Variants in CDH20 observed in about 807,000 individuals in gnomAD.
CDH20 encodes cadherin 20.
A neutral mutation model predicts 74.2 loss-of-function variants in CDH20; 29 were observed. The observed-to-expected ratio is 0.39, with a 90% CI of 0.29 to 0.53. CDH20 has a LOEUF of 0.53. CDH20 is among the 20% of genes least tolerant of loss of function. The pLI, the probability that CDH20 is intolerant of heterozygous loss-of-function variation, is 0.69. For missense variants in CDH20, 988 were observed against 1,048.3 expected (o/e 0.94, Z 0.79); for synonymous variants, 469 against 405.4 (o/e 1.16, Z -1.88).
At chr18:61,413,441 T>A (rs748301459) in intron 1 of CDH20, among the ~76,000 whole-genome samples, 4 of 152,142 alleles carry the variant, frequency 2.6e-5, no homozygotes, top group Non-Finnish European at 5.9e-5. Flanking sequence ...TCAGCAGCAA[T>A]GGGAAGAAAA....
intron 1 of CDH20, among the ~76,000 whole-genome samples, chr18:61,362,753 A>G (rs1910740935): frequency 6.6e-6 from 1 of 152,134 alleles, no homozygotes; most frequent in African/African-American, 2.4e-5. Flanking sequence ...TAGACTTAGT[A>G]TGACTAACTA....
intron 1 of CDH20, among the ~76,000 whole-genome samples, chr18:61,377,216 A>G (rs1911266575): frequency 6.6e-6 from 1 of 152,066 alleles, no homozygotes; most frequent in Admixed American, 6.6e-5. Flanking sequence ...TAGAGGTTGT[A>G]CTTAGTACAC....
chr18:61,493,309 T>C (rs771198228), intron 2 of CDH20, among the ~76,000 whole-genome samples: 6 of 152,188 alleles, frequency 3.9e-5, no homozygotes, highest in Non-Finnish European at 7.3e-5. Flanking sequence ...AGATTAACTA[T>C]GCCGGTGCTG....
At position 61,395,674 on chromosome 18, in the gene CDH20, A is replaced by G. The variant is rs61571881; in HGVS notation, c.-153+61847A>G. Reference sequence around the variant, plus strand: ...TAATGTTTTGTCATATGTGCTTTGTATTTTTTTGAAATAAATTTTTCTACT... The same window carrying G: ...TAATGTTTTGTCATATGTGCTTTGTGTTTTTTTGAAATAAATTTTTCTACT... On this transcript the variant is annotated intron_variant, in intron 1 of 11. Coordinates refer to ENST00000262717, the MANE Select transcript of CDH20 (RefSeq NM_031891.4). Among the ~76,000 whole-genome samples the G allele has an allele frequency of 2.2e-3, 329 of 152,242 alleles. 3 individuals carry two copies. The highest frequency in any genetic ancestry group is 7.7e-3 in the African/African-American group (322 of 41,562).
intron 1 of CDH20, among the ~76,000 whole-genome samples, chr18:61,410,587 T>C (rs1599066025): frequency 6.6e-6 from 1 of 152,148 alleles, no homozygotes; most frequent in South Asian, 2.1e-4. Flanking sequence ...AAAGAGTATA[T>C]GATTTAAACA....
At chr18:61,515,394 A>G (rs918136314) in intron 6 of CDH20, among the ~76,000 whole-genome samples, 25 of 151,788 alleles carry the variant, frequency 1.6e-4, no homozygotes, top group Non-Finnish European at 3.7e-4. Context: ...ACCTGCGCCC[A>G]CTGTCTGGCA....
At chr18:61,543,330 A>G (rs1036111131) in intron 9 of CDH20, among the ~76,000 whole-genome samples, 45 of 152,162 alleles carry the variant, frequency 3.0e-4, no homozygotes, top group African/African-American at 1.0e-3. Flanking sequence ...TGGCTTTTAA[A>G]CAGCAGGATT....
rs375904704 is a variant in CDH20, at chr18:61,554,348, C to T, written c.2059C>T (p.Arg687Trp). The change falls in exon 12 of 12, where the codon CGG (arginine) becomes TGG (tryptophan). Residue 687 changes from arginine to tryptophan, a missense_variant. This residue lies in a region of CDH20 where 375 missense variants were observed against 293.1 expected (regional missense o/e 1.28). Transcript: ENST00000262717. ...AFDIAAMWNP[R>W]EAQAGAAPKT... The stretch of plus-strand genomic sequence containing the variant: ...CGACATCGCGGCCATGTGGAACCCC[C>T]GGGAGGCGCAGGCGGGGGCCGCCCC... 51 of 1,613,288 alleles carry T rather than the reference C, an allele frequency of 3.2e-5. No individual in the cohort carries two copies. The South Asian group carries it at 4.4e-4, about 14-fold the overall frequency.
chr18:61,349,747 A>G (rs1211020444), intron 1 of CDH20, among the ~76,000 whole-genome samples: 3 of 151,934 alleles, frequency 2.0e-5, no homozygotes, highest in Non-Finnish European at 4.4e-5. Flanking sequence ...AAATTGTCAC[A>G]TGCAAGTGAC....
chr18:61,338,833 G>A (rs1428940175), intron 1 of CDH20, among the ~76,000 whole-genome samples: 1 of 152,112 alleles, frequency 6.6e-6, no homozygotes, highest in African/African-American at 2.4e-5. Flanking sequence ...CCTCCAAAGA[G>A]TAAAGAGGTA....
intron 2 of CDH20, among the ~76,000 whole-genome samples, chr18:61,498,626 C>G (rs899769777): frequency 1.3e-5 from 2 of 152,176 alleles, no homozygotes; most frequent in East Asian, 1.9e-4. Flanking sequence ...CCGAATGAAA[C>G]TACAGAACTA....
At chr18:61,369,283 T>G (rs1454752707) in intron 1 of CDH20, among the ~76,000 whole-genome samples, 1 of 152,198 alleles carries the variant, frequency 6.6e-6, no homozygotes, top group Non-Finnish European at 1.5e-5. Context: ...CAGGTTTGTC[T>G]GACTGCAAGG....
chr18:61,432,289 C>A (rs1913284510), intron 1 of CDH20, among the ~76,000 whole-genome samples: 1 of 151,662 alleles, frequency 6.6e-6, no homozygotes, highest in South Asian at 2.1e-4. Context: ...ATATGGTCAC[C>A]CTACTGTGCC....
chr18:61,518,633 C>G (rs1912087974), intron 6 of CDH20, among the ~76,000 whole-genome samples: 1 of 151,222 alleles, frequency 6.6e-6, no homozygotes, highest in Admixed American at 6.6e-5. Context: ...CATCAAAGAC[C>G]AAAGGTAGAT....
Position 61,554,655 on chromosome 18 carries a change from A to G in CDH20, c.2366A>G (p.Glu789Gly). 1 of 1,596,378 alleles carries G rather than the reference A, an allele frequency of 6.3e-7. No homozygotes were observed. The highest frequency in any genetic ancestry group is 1.3e-5 in the African/African-American group (1 of 74,816). The change falls in exon 12 of 12, where the codon GAG becomes GGG. Residue 789 changes from glutamate (E) to glycine (G), a missense_variant. Transcript: ENST00000262717. ...DWGPRFRKLAELYGASEGPAP... is the reference protein window; with the variant it reads ...DWGPRFRKLAGLYGASEGPAP... ...GGGCCCCGCTTCCGGAAGCTGGCCGAGCTCTACGGGGCGTCGGAGGGACCC... is the reference window on the plus strand; with the variant it reads ...GGGCCCCGCTTCCGGAAGCTGGCCGGGCTCTACGGGGCGTCGGAGGGACCC...
At chr18:61,539,836 C>G (rs1912963197) in intron 9 of CDH20, among the ~76,000 whole-genome samples, 1 of 152,104 alleles carries the variant, frequency 6.6e-6, no homozygotes, top group Non-Finnish European at 1.5e-5. Context: ...TTAAAACATC[C>G]ATTTTCTTAG....
chr18:61,365,634 A>G (rs1018580434), intron 1 of CDH20, among the ~76,000 whole-genome samples: 2 of 152,120 alleles, frequency 1.3e-5, no homozygotes, highest in African/African-American at 2.4e-5. Flanking sequence ...TCAGTTATGT[A>G]TCAGAAAGAT....
At chr18:61,533,534 G>A (rs971185424) in intron 7 of CDH20, among the ~76,000 whole-genome samples, 7 of 152,138 alleles carry the variant, frequency 4.6e-5, no homozygotes, top group African/African-American at 1.7e-4. Context: ...TTGGATATTA[G>A]CCCCTTATTT....
At chr18:61,455,014 A>G (rs1027823540) in intron 1 of CDH20, among the ~76,000 whole-genome samples, 4 of 152,216 alleles carry the variant, frequency 2.6e-5, no homozygotes, top group African/African-American at 7.2e-5. Context: ...TTGCTTTCCA[A>G]GGCAGTAAAA....
Sources: gnomAD v4.1 joint callset for allele counts (sites outside exome capture counted in the v4.1 genomes callset) on GRCh38, gnomAD v4.1.1 for gene constraint, gnomAD v4.1.1 regional missense constraint, MANE v1.5 for transcripts, NCBI Gene and HGNC (gene_info 2026-07-23, HGNC 2026-07-21) for gene names.